NXPE3: variants seen among roughly 807,000 people sequenced by gnomAD.
NXPE3 encodes the protein NXPE family member 3.
NXPE3 carries 26 observed loss-of-function variants against 46.1 expected under a neutral mutation model. That is an observed-to-expected ratio of 0.56 (90% CI 0.41 to 0.78). The LOEUF (loss-of-function observed/expected upper bound fraction) is 0.78, where lower values mean the gene tolerates loss of function less well. Ranked by LOEUF, NXPE3 falls within the 30% of genes least tolerant of loss-of-function variation. NXPE3 has a pLI of 0.00. For missense variants in NXPE3, 620 were observed against 686.0 expected (o/e 0.90, Z 1.07); for synonymous variants, 272 against 257.9 (o/e 1.05, Z -0.52).
intron 7 of NXPE3, among the ~76,000 whole-genome samples, chr3:101,818,726 TA>T (rs1942083226): frequency 1.3e-4 from 1 of 7,652 alleles, no homozygotes; most frequent in African/African-American, 2.7e-4. Flanking sequence ...TATATATATA[TA>T]TATATATATA....
At chr3:101,812,917 T>C (rs1480116684) in intron 6 of NXPE3, among the ~76,000 whole-genome samples, 1 of 151,434 alleles carries the variant, frequency 6.6e-6, no homozygotes, top group Non-Finnish European at 1.5e-5. Context: ...CTATATAGCA[T>C]TCTTAGCTTA....
At chr3:101,781,433 A>G (rs943728182) in intron 1 of NXPE3, among the ~76,000 whole-genome samples, 2 of 152,186 alleles carry the variant, frequency 1.3e-5, no homozygotes, top group Admixed American at 6.5e-5. Context: ...CTGCTTTGTA[A>G]TTCTCTTGTG....
chr3:101,801,504 C>T lies in NXPE3; in HGVS notation c.363C>T (p.Ser121=). The change falls in exon 5 of 8, where the codon AGC becomes AGT. Residue 121 remains serine (S), a synonymous_variant. Coordinates refer to ENST00000273347, the MANE Select transcript of NXPE3 (RefSeq NM_145037.4). ...LNSAAFFKVG[S]QLEVLVHVQD... is the part of the protein sequence containing the mutation. ...CTGCTGCCTTCTTTAAGGTGGGAAG[C>T]CAGCTTGAGGTGCTGGTTCATGTGC... The T allele has an allele frequency of 1.2e-6, 2 of 1,614,150 alleles. No homozygotes were observed. Among genetic ancestry groups the T allele is most frequent in the South Asian group, 1.1e-5 (1 of 91,082 alleles).
chr3:101,812,167 A>G (rs1941741190), intron 6 of NXPE3, among the ~76,000 whole-genome samples: 1 of 152,200 alleles, frequency 6.6e-6, no homozygotes, highest in Non-Finnish European at 1.5e-5. Context: ...TTTCTAGAAA[A>G]TGGCAGATAA....
intron 6 of NXPE3, among the ~76,000 whole-genome samples, chr3:101,814,983 C>G (rs1941905657): frequency 6.6e-6 from 1 of 152,102 alleles, no homozygotes; most frequent in African/African-American, 2.4e-5. Context: ...GTGATAGGAC[C>G]TACTTCAAAG....
At chr3:101,790,660 A>G (rs1940457554) in intron 4 of NXPE3, among the ~76,000 whole-genome samples, 1 of 152,022 alleles carries the variant, frequency 6.6e-6, no homozygotes, top group Non-Finnish European at 1.5e-5. Flanking sequence ...TGGCATGACC[A>G]TGGCTCACCA....
chr3:101,787,206 C>T (rs2107247210), intron 4 of NXPE3, among the ~76,000 whole-genome samples: 1 of 152,278 alleles, frequency 6.6e-6, no homozygotes, highest in Admixed American at 6.5e-5. Flanking sequence ...CTGCCTATCC[C>T]CTGCCCCTGG....
At chr3:101,815,519 C>G (rs1379143535) in intron 6 of NXPE3, among the ~76,000 whole-genome samples, 1 of 152,186 alleles carries the variant, frequency 6.6e-6, no homozygotes, top group Admixed American at 6.5e-5. Flanking sequence ...ATGCTTATGT[C>G]CACACATTTC....
chr3:101,794,383 T>C (rs1189511134), intron 4 of NXPE3, among the ~76,000 whole-genome samples: 1 of 152,160 alleles, frequency 6.6e-6, no homozygotes, highest in Non-Finnish European at 1.5e-5. Flanking sequence ...GGGAAAGATA[T>C]CCTGATGGTT....
Position 101,821,954 on chromosome 3 carries a change from G to C in NXPE3, c.1680G>C (p.Ter560TyrextTer17), listed in dbSNP as rs1942279182. Residue 560 changes from the stop codon to tyrosine, a stop_lost, in exon 8 of 8, where the codon TAG (stop) becomes TAC (tyrosine). Transcript: ENST00000273347. ...CCTTTGTGTGCCCCTTGGAAACCTAGCCTGTCTTGGAAGGGACTGGAGGAA... is the reference window on the plus strand; with the variant it reads ...CCTTTGTGTGCCCCTTGGAAACCTACCCTGTCTTGGAAGGGACTGGAGGAA... ...FLSFVCPLET[*>Y] 1 of 1,611,946 alleles carries C rather than the reference G, an allele frequency of 6.2e-7. No individual in the cohort carries two copies. The highest frequency in any genetic ancestry group is 8.5e-7 in the Non-Finnish European group (1 of 1,178,298).
In NXPE3 at chr3:101,817,138, C is replaced by G. The variant is rs557859033; in HGVS notation, c.1129+137C>G. 28 of 736,746 alleles carry G rather than the reference C, an allele frequency of 3.8e-5. No individual in the cohort carries two copies. In the African/African-American group the frequency reaches 4.9e-4, roughly 13 times the overall value. 45.6% of individuals were successfully genotyped at this position (736,746 alleles called of 1,614,324 possible). ...TGTAGGACTAAAGAGGTACCCAAAC[C>G]CTGGAGAGATGTGTGACAGTTTCTG... is the stretch of plus-strand genomic sequence containing the variant. On this transcript the variant is annotated intron_variant, in intron 7 of 7. Transcript: ENST00000273347.
rs1942268743 is a variant in NXPE3, at chr3:101,821,778, A to C, written c.1504A>C (p.Asn502His). The stretch of plus-strand genomic sequence containing the variant: ...GAGCCTTTTCAACAGCGACTGGTAC[A>C]ACTTTCAGCTGGACACCATCCTTCG... ...EVSLFNSDWY[N>H]FQLDTILRRM... The change falls in exon 8 of 8, where the codon AAC becomes CAC. Residue 502 changes from asparagine to histidine, a missense_variant. Asn to His is a moderately conservative substitution (Grantham distance 68, BLOSUM62 1). This residue lies in a region of NXPE3 where 75 missense variants were observed against 121.1 expected (regional missense o/e 0.62). Coordinates refer to ENST00000273347, the MANE Select transcript of NXPE3 (RefSeq NM_145037.4). The C allele has an allele frequency of 1.9e-6, 3 of 1,614,198 alleles. No individual in the cohort carries two copies. Among genetic ancestry groups the C allele is most frequent in the Non-Finnish European group, 2.5e-6 (3 of 1,180,036 alleles).
rs1942469327 is a variant in NXPE3, at chr3:101,825,887, TGACA to T, written c.*3940_*3943del. 1 of 152,242 alleles carries T rather than the reference TGACA, an allele frequency of 6.6e-6. No homozygotes were observed. The highest frequency in any genetic ancestry group is 1.5e-5 in the Non-Finnish European group (1 of 68,032). The allele number at this position is 152,242 out of a possible 1,614,324, so 9.4% of individuals were successfully genotyped here. A position where few individuals can be genotyped will look rare whatever the true frequency, so the allele number is the denominator to read the frequency against. On this transcript the variant is annotated 3_prime_UTR_variant, in exon 8 of 8. Transcript: ENST00000273347. ...GAGATGATTGATTTGATGCTATTTG[TGACA>T]GACAGAACCCATAATAAAGCCTTTC...
intron 6 of NXPE3, 149 bp downstream of exon 6, chr3:101,807,275 A>G (rs969692231): frequency 2.3e-4 from 146 of 621,982 alleles, no homozygotes; most frequent in African/African-American, 2.3e-3. Context: ...GATTAAAAAA[A>G]TCAGATCTTA....
chr3:101,790,245 G>A (rs1230985179), intron 4 of NXPE3, among the ~76,000 whole-genome samples: 1 of 152,136 alleles, frequency 6.6e-6, no homozygotes, highest in African/African-American at 2.4e-5. Flanking sequence ...GATCAACATG[G>A]TTCATGGTGT....
At chr3:101,798,900 G>T (rs1035953035) in intron 4 of NXPE3, among the ~76,000 whole-genome samples, 4 of 152,012 alleles carry the variant, frequency 2.6e-5, no homozygotes, top group South Asian at 2.1e-4. Flanking sequence ...GATTACAGGC[G>T]TGAGCCACTG....
At chr3:101,787,847 T>G (rs1940282412) in intron 4 of NXPE3, among the ~76,000 whole-genome samples, 1 of 152,260 alleles carries the variant, frequency 6.6e-6, no homozygotes, top group African/African-American at 2.4e-5. Flanking sequence ...TGTTTCTACC[T>G]TTTGGCTATA....
chr3:101,817,121 T>A, intron 7 of NXPE3, 120 bp downstream of exon 7: 2 of 858,960 alleles, frequency 2.3e-6, no homozygotes, highest in Non-Finnish European at 3.8e-6. Flanking sequence ...TGTGTAGGAC[T>A]AAAGAGGTAC....
At chr3:101,815,765 G>A (rs1367874876) in intron 6 of NXPE3, among the ~76,000 whole-genome samples, 1 of 152,166 alleles carries the variant, frequency 6.6e-6, no homozygotes, top group Non-Finnish European at 1.5e-5. Flanking sequence ...TTGGGAGGCC[G>A]AGGTGGGTGA....
Sources: gnomAD v4.1 joint callset for allele counts (sites outside exome capture counted in the v4.1 genomes callset) on GRCh38, gnomAD v4.1.1 for gene constraint, gnomAD v4.1.1 regional missense constraint, MANE v1.5 for transcripts, NCBI Gene and HGNC (gene_info 2026-07-23, HGNC 2026-07-21) for gene names.